Variants in AGMO observed in about 807,000 individuals in gnomAD.
AGMO encodes glyceryl-ether monooxygenase.
A neutral mutation model predicts 60.2 loss-of-function variants in AGMO; 75 were observed. The ratio of observed to expected loss-of-function variants is 1.25; its 90% confidence interval spans 1.03 to 1.51. The LOEUF is 1.51. Among genes scored for constraint, AGMO ranks in the 40% most tolerant of loss-of-function variants. The pLI is 0.00. For missense variants in AGMO, 763 were observed against 525.5 expected, an observed-to-expected ratio of 1.45 and a Z score of -4.42; for synonymous variants, 261 against 177.1, an observed-to-expected ratio of 1.47 and a Z score of -3.76.
intron 10 of AGMO, among the ~76,000 whole-genome samples, chr7:15,381,922 C>A (rs1380049072): frequency 6.6e-6 from 1 of 152,058 alleles, no homozygotes; most frequent in African/African-American, 2.4e-5. Context: ...AACACAGGAA[C>A]AGAAAACCAA....
At chr7:15,310,131 G>T (rs1489753917) in intron 12 of AGMO, among the ~76,000 whole-genome samples, 1 of 152,076 alleles carries the variant, frequency 6.6e-6, no homozygotes, top group African/African-American at 2.4e-5. Context: ...ATAGCAGTGA[G>T]GCTGACGAAC....
intron 3 of AGMO, among the ~76,000 whole-genome samples, chr7:15,448,710 C>G (rs1781774900): frequency 6.7e-6 from 1 of 148,878 alleles, no homozygotes; most frequent in Non-Finnish European, 1.5e-5. Context: ...ATTAAGAACA[C>G]TATAAATCCA....
At chr7:15,469,995 C>A (rs192153903) in intron 3 of AGMO, among the ~76,000 whole-genome samples, 10 of 152,020 alleles carry the variant, frequency 6.6e-5, no homozygotes, top group Admixed American at 3.9e-4. Context: ...GGTAAAAGAA[C>A]CAAACAGCAA....
At chr7:15,319,013 C>A (rs1781025841) in intron 12 of AGMO, among the ~76,000 whole-genome samples, 1 of 152,052 alleles carries the variant, frequency 6.6e-6, no homozygotes, top group Admixed American at 6.6e-5. Context: ...CTTCTTTATT[C>A]TAAAGTTGAT....
intron 12 of AGMO, among the ~76,000 whole-genome samples, chr7:15,242,489 C>A (rs181537512): frequency 9.3e-4 from 141 of 152,198 alleles, no homozygotes; most frequent in Non-Finnish European, 1.4e-3. Context: ...AAACTAAATG[C>A]TGGAGGAAGA....
chr7:15,179,576 G>A, the AGMO span, among the ~76,000 whole-genome samples: 1 of 152,142 alleles, frequency 6.6e-6, no homozygotes, highest in Non-Finnish European at 1.5e-5. Context: ...TACCCCTTTA[G>A]TTTCACTGGG....
chr7:15,546,226 G>C (rs916311869), intron 2 of AGMO, among the ~76,000 whole-genome samples: 1 of 151,952 alleles, frequency 6.6e-6, no homozygotes, highest in Non-Finnish European at 1.5e-5. Flanking sequence ...TAAAACACTA[G>C]ACTGTCTTAT....
At chr7:15,333,233 C>G (rs1299900561) in intron 12 of AGMO, among the ~76,000 whole-genome samples, 1 of 152,032 alleles carries the variant, frequency 6.6e-6, no homozygotes, top group Non-Finnish European at 1.5e-5. Context: ...AAGTTAAATG[C>G]AAAATACACA....
At chr7:15,343,202 ATCAAT>A (rs1781921366) in intron 12 of AGMO, among the ~76,000 whole-genome samples, 1 of 152,166 alleles carries the variant, frequency 6.6e-6, no homozygotes, top group Admixed American at 6.6e-5. Flanking sequence ...CTGTAAAATG[ATCAAT>A]TCTTTTTATT....
At chr7:15,430,882 G>T (rs1781215896) in intron 4 of AGMO, 123 bp downstream of exon 4, 1 of 558,284 alleles carries the variant, frequency 1.8e-6, no homozygotes. Flanking sequence ...GCTTTAGAAA[G>T]AAGAGAGAAG....
intron 2 of AGMO, among the ~76,000 whole-genome samples, chr7:15,551,688 A>G (rs1334721743): frequency 3.8e-4 from 58 of 151,248 alleles, no homozygotes; most frequent in African/African-American, 1.4e-3. Context: ...CAAATGGAAG[A>G]ACATTCCATG....
At chr7:15,531,910 C>G (rs770555370) in intron 3 of AGMO, among the ~76,000 whole-genome samples, 6 of 151,904 alleles carry the variant, frequency 3.9e-5, no homozygotes, top group Non-Finnish European at 5.9e-5. Context: ...CTCAAGTGAT[C>G]TGCCTGCCTT....
At chr7:15,348,475 G>A (rs904697926) in intron 12 of AGMO, among the ~76,000 whole-genome samples, 1 of 152,032 alleles carries the variant, frequency 6.6e-6, no homozygotes, top group Non-Finnish European at 1.5e-5. Flanking sequence ...TATGAAGACA[G>A]TAACACAAAT....
At chr7:15,308,636 A>G (rs550895656) in intron 12 of AGMO, among the ~76,000 whole-genome samples, 6 of 152,204 alleles carry the variant, frequency 3.9e-5, no homozygotes, top group Non-Finnish European at 7.3e-5. Flanking sequence ...ATGTTTCACC[A>G]AAATGTTAAA....
chr7:15,302,789 T>C (rs1780483459), intron 12 of AGMO, among the ~76,000 whole-genome samples: 1 of 152,160 alleles, frequency 6.6e-6, no homozygotes, highest in Admixed American at 6.6e-5. Flanking sequence ...CAGTATGTGT[T>C]CAATTCATGT....
chr7:15,343,187 C>T (rs757552413), intron 12 of AGMO, among the ~76,000 whole-genome samples: 11 of 152,114 alleles, frequency 7.2e-5, no homozygotes, highest in African/African-American at 1.4e-4. Flanking sequence ...TCTCCCCACT[C>T]GCCACTGTAA....
intron 12 of AGMO, among the ~76,000 whole-genome samples, chr7:15,326,073 T>C (rs923318200): frequency 1.3e-5 from 2 of 152,106 alleles, no homozygotes; most frequent in Non-Finnish European, 2.9e-5. Context: ...AAATAATAGA[T>C]ACAGGTTTTT....
At chr7:15,486,627 A>G (rs1782928281) in intron 3 of AGMO, among the ~76,000 whole-genome samples, 1 of 152,230 alleles carries the variant, frequency 6.6e-6, no homozygotes, top group Non-Finnish European at 1.5e-5. Context: ...AGGTTAAATT[A>G]TAAGACACCA....
intron 8 of AGMO, 65 bp from the exon 9 acceptor site, chr7:15,387,605 TTATG>T: frequency 5.1e-6 from 7 of 1,382,182 alleles, no homozygotes; most frequent in Non-Finnish European, 6.9e-6. Flanking sequence ...ATACCAAAAG[TTATG>T]TATATTATTT....
Sources: gnomAD v4.1 joint callset for allele counts (sites outside exome capture counted in the v4.1 genomes callset) on GRCh38, gnomAD v4.1.1 for gene constraint, MANE v1.5 for transcripts, NCBI Gene and HGNC (gene_info 2026-07-23, HGNC 2026-07-21) for gene names.